Variants in LAMA4 observed in about 807,000 individuals in gnomAD.
LAMA4 encodes the protein laminin subunit alpha 4.
A neutral mutation model predicts 207.1 loss-of-function variants in LAMA4; 127 were observed. That is an observed-to-expected ratio of 0.61 (90% confidence interval 0.53 to 0.71). The LOEUF (loss-of-function observed/expected upper bound fraction) is 0.71, where lower values mean the gene tolerates loss of function less well. Ranked by LOEUF, LAMA4 falls within the 30% of genes least tolerant of loss-of-function variation. The pLI is 0.00. For missense variants in LAMA4, 2,093 were observed against 2,246.5 expected (o/e 0.93, Z 1.38); for synonymous variants, 761 against 816.0 (o/e 0.93, Z 1.15).
rs587635507 is a variant in LAMA4, at chr6:112,114,297, A to G, written c.5207-102T>C. 5.9e-5 allele frequency: 70 copies of G among 1,182,482 alleles called. 2 individuals carry two copies. In the South Asian group the frequency reaches 8.8e-4, roughly 15 times the overall value. 73.2% of individuals were successfully genotyped at this position (1,182,482 alleles called of 1,614,324 possible). ...CAGCAATTGCTTTTATTTATTCCAGAATAAAACCCACACTTTCTTCTATAT... is the reference window on the plus strand; with the variant it reads ...CAGCAATTGCTTTTATTTATTCCAGGATAAAACCCACACTTTCTTCTATAT... On this transcript the variant is annotated intron_variant, in intron 37 of 38. Coordinates refer to ENST00000230538, the MANE Select transcript of LAMA4 (RefSeq NM_001105206.3).
At chr6:112,218,463 T>C (rs546771369) in intron 2 of LAMA4, 14 of 152,296 alleles carry the variant, frequency 9.2e-5, no homozygotes, top group African/African-American at 3.4e-4. Context: ...AATGAACTCT[T>C]GGTGATTTGG....
chr6:112,123,716 A>G (rs1554326740), intron 31 of LAMA4, among the ~76,000 whole-genome samples: 1 of 152,154 alleles, frequency 6.6e-6, no homozygotes, highest in African/African-American at 2.4e-5. Context: ...GGATTTTGGC[A>G]GTGGAGACTC....
intron 28 of LAMA4, among the ~76,000 whole-genome samples, chr6:112,132,121 G>A (rs1028434918): frequency 3.3e-5 from 5 of 152,058 alleles, no homozygotes; most frequent in African/African-American, 4.8e-5. Flanking sequence ...TGGCATTTTG[G>A]TAACAGATAG....
intron 9 of LAMA4, among the ~76,000 whole-genome samples, chr6:112,181,837 G>A (rs1296988745): frequency 1.3e-5 from 2 of 152,108 alleles, no homozygotes; most frequent in African/African-American, 2.4e-5. Context: ...GGTGGCTCAC[G>A]CCTGTAATTC....
At chr6:112,196,288 A>G (rs1240040524) in intron 5 of LAMA4, among the ~76,000 whole-genome samples, 1 of 152,066 alleles carries the variant, frequency 6.6e-6, no homozygotes, top group Admixed American at 6.5e-5. Context: ...TCTAGCTGTA[A>G]GTTTGTGTCC....
At chr6:112,204,008 A>G (rs1583882284) in intron 4 of LAMA4, among the ~76,000 whole-genome samples, 1 of 152,214 alleles carries the variant, frequency 6.6e-6, no homozygotes, top group Non-Finnish European at 1.5e-5. Context: ...AAGGAGACTC[A>G]TTCCACAGTT....
chr6:112,143,930 A>C (rs1269106192), intron 19 of LAMA4, among the ~76,000 whole-genome samples: 1 of 152,214 alleles, frequency 6.6e-6, no homozygotes, highest in Non-Finnish European at 1.5e-5. Flanking sequence ...ATTTATCATC[A>C]TTTAAAAGTC....
chr6:112,178,152 C>A lies in LAMA4; in HGVS notation c.1158G>T (p.Glu386Asp), dbSNP rs147894075. 1 of 1,613,676 alleles carries A rather than the reference C, an allele frequency of 6.2e-7. No individual in the cohort carries two copies. The highest frequency in any genetic ancestry group is 1.7e-5 in the Admixed American group (1 of 60,016). Residue 386 changes from glutamate to aspartate, a missense_variant, in exon 10 of 39, where the codon GAG (glutamate) becomes GAT (aspartate). Glu to Asp is a conservative substitution (Grantham distance 45, BLOSUM62 2). Around this residue, in one of 3 missense-constraint regions of LAMA4, gnomAD observed 1,704 missense variants for 1,788.4 expected, o/e 0.95. Transcript: ENST00000230538. ...TTTTATCCCTCATATCATGGGCTTG[C>A]TCTACCAGCTGACTTGCGTGGTTAA... ...DTINHASQLVEQAHDMRDKIQ... is the reference protein window; with the variant it reads ...DTINHASQLVDQAHDMRDKIQ...
At chr6:112,174,401 G>A (rs1554342931) in intron 11 of LAMA4, among the ~76,000 whole-genome samples, 2 of 152,224 alleles carry the variant, frequency 1.3e-5, no homozygotes, top group Non-Finnish European at 1.5e-5. Flanking sequence ...GAGCAGAGAT[G>A]AGCTGTCCAG....
chr6:112,202,570 A>G (rs1394778744), intron 4 of LAMA4, among the ~76,000 whole-genome samples: 1 of 151,970 alleles, frequency 6.6e-6, no homozygotes, highest in Non-Finnish European at 1.5e-5. Context: ...AGCATTTCTT[A>G]CCCTAATGGT....
chr6:112,187,646 T>C (rs782454098), intron 7 of LAMA4, 45 bp from the exon 8 acceptor site: 45 of 1,592,260 alleles, frequency 2.8e-5, no homozygotes, highest in Non-Finnish European at 3.4e-5. Context: ...AAAAGCATGC[T>C]AAAGGCAGGC....
chr6:112,166,897 ACAACAG>A (rs1454913683), intron 12 of LAMA4, among the ~76,000 whole-genome samples: 5 of 152,194 alleles, frequency 3.3e-5, no homozygotes, highest in South Asian at 4.1e-4. Context: ...GTCAACAACA[ACAACAG>A]CAACAGCAAC....
chr6:112,203,743 C>G (rs1554353276), intron 4 of LAMA4, among the ~76,000 whole-genome samples: 1 of 152,184 alleles, frequency 6.6e-6, no homozygotes, highest in Non-Finnish European at 1.5e-5. Flanking sequence ...TTACCAATTC[C>G]TCCCTACTCC....
chr6:112,214,801 A>G (rs928285849), intron 3 of LAMA4, among the ~76,000 whole-genome samples: 2 of 152,350 alleles, frequency 1.3e-5, no homozygotes, highest in African/African-American at 4.8e-5. Context: ...GGAGGGAATC[A>G]CATGATGTTT....
intron 9 of LAMA4, chr6:112,179,453 C>T (rs1218441598): frequency 1.1e-4 from 17 of 152,196 alleles, no homozygotes; most frequent in African/African-American, 3.1e-4. Flanking sequence ...GGCATTTGGT[C>T]GAATGCCCAC....
chr6:112,109,292 T>C lies in LAMA4; in HGVS notation c.*145A>G. 1 of 858,228 alleles carries C rather than the reference T, an allele frequency of 1.2e-6. No homozygotes were observed. The highest frequency in any genetic ancestry group is 1.9e-6 in the Non-Finnish European group (1 of 535,288). 53.2% of individuals were successfully genotyped at this position (858,228 alleles called of 1,614,324 possible). Reference sequence around the variant, plus strand: ...GAATCCAAATGAGAAATAAGAAATATCCGGTCCCTGATGATTCGTTTAAGT... The same window carrying C: ...GAATCCAAATGAGAAATAAGAAATACCCGGTCCCTGATGATTCGTTTAAGT... On this transcript the variant is annotated 3_prime_UTR_variant, in exon 39 of 39. Transcript: ENST00000230538.
In LAMA4 at chr6:112,178,157, C is replaced by G. The variant is rs1415971328; in HGVS notation, c.1153G>C (p.Val385Leu). The G allele has an allele frequency of 2.5e-6, 4 of 1,613,682 alleles. No homozygotes were observed. The highest frequency in any genetic ancestry group is 1.7e-5 in the Admixed American group (1 of 59,984). ...TCCCTCATATCATGGGCTTGCTCTA[C>G]CAGCTGACTTGCGTGGTTAATGGTG... ...MDTINHASQL[V>L]EQAHDMRDKI... The change falls in exon 10 of 39, where the codon GTA becomes CTA. Residue 385 changes from valine to leucine, a missense_variant. By Grantham distance (32) the Val-to-Leu change is conservative (BLOSUM62 1). Transcript: ENST00000230538.
chr6:112,159,055 C>A, intron 13 of LAMA4, 175 bp from the exon 14 acceptor site: 1 of 593,734 alleles, frequency 1.7e-6, no homozygotes. Flanking sequence ...GCATTGCCAG[C>A]TCTTTCTTCT....
At position 112,114,685 on chromosome 6, in the gene LAMA4, A is replaced by G. The variant is rs782595382; in HGVS notation, c.5184T>C (p.Asp1728=). The change falls in exon 37 of 39, where the codon GAT becomes GAC. Residue 1728 remains aspartate, a synonymous_variant. Coordinates refer to ENST00000230538, the MANE Select transcript of LAMA4 (RefSeq NM_001105206.3). ...CACCTGTAATTCTGTGCCATCTGCC[A>G]TCACAGAGACTCTGCTTGGGTGTAA... is the stretch of plus-strand genomic sequence containing the variant. ...TSVTPKQSLC[D]GRWHRITVIR... The G allele has an allele frequency of 6.2e-7, 1 of 1,612,712 alleles. No individual in the cohort carries two copies. Among genetic ancestry groups the G allele is most frequent in the Non-Finnish European group, 8.5e-7 (1 of 1,178,838 alleles).
Sources: gnomAD v4.1 joint callset for allele counts (sites outside exome capture counted in the v4.1 genomes callset) on GRCh38, gnomAD v4.1.1 for gene constraint, gnomAD v4.1.1 regional missense constraint, MANE v1.5 for transcripts, NCBI Gene and HGNC (gene_info 2026-07-23, HGNC 2026-07-21) for gene names.